The following WNT3A variants were observed in gnomAD, a reference collection of about 807,000 sequenced individuals.
The protein encoded by WNT3A is Wnt family member 3A.
WNT3A carries 17 observed loss-of-function variants against 37.0 expected under a neutral mutation model. The observed-to-expected ratio is 0.46, with a 90% confidence interval of 0.31 to 0.69. The LOEUF (loss-of-function observed/expected upper bound fraction) is 0.69, where lower values mean the gene tolerates loss of function less well. Among genes scored for constraint, WNT3A ranks in the 30% least tolerant of loss-of-function variants. WNT3A has a pLI of 0.05. For synonymous variants in WNT3A, 187 were observed against 211.0 expected (o/e 0.89, Z 0.99); for missense variants, 411 against 510.2 (o/e 0.81, Z 1.87).
intron 1 of WNT3A, among the ~76,000 whole-genome samples, chr1:228,021,171 T>C (rs935409179): frequency 1.3e-5 from 2 of 152,224 alleles, no homozygotes; most frequent in South Asian, 4.1e-4. Context: ...GCTTCCCTGA[T>C]GACAGGCACA....
At chr1:228,027,363 CA>C (rs2030877571) in intron 2 of WNT3A, among the ~76,000 whole-genome samples, 1 of 152,208 alleles carries the variant, frequency 6.6e-6, no homozygotes, top group Non-Finnish European at 1.5e-5. Flanking sequence ...CTGTTTTCCA[CA>C]GTGGTTGAAC....
chr1:228,011,013 A>G (rs1454930151), intron 1 of WNT3A, among the ~76,000 whole-genome samples: 3 of 152,064 alleles, frequency 2.0e-5, no homozygotes, highest in Non-Finnish European at 4.4e-5. Context: ...CTGCTCAGCC[A>G]GTGTCTGCAC....
chr1:228,016,049 T>C (rs1192605727), intron 1 of WNT3A, among the ~76,000 whole-genome samples: 1 of 152,104 alleles, frequency 6.6e-6, no homozygotes, highest in Non-Finnish European at 1.5e-5. Context: ...ATGTTGCCCC[T>C]TTCTGTCCCC....
chr1:228,051,064 G>A (rs940059225), intron 3 of WNT3A, 143 bp downstream of exon 3: 10 of 1,134,662 alleles, frequency 8.8e-6, no homozygotes, highest in South Asian at 8.4e-5. Context: ...TGGGGTGTGC[G>A]AAGCTTAGCA....
At chr1:228,023,858 G>A (rs1370001513) in intron 2 of WNT3A, among the ~76,000 whole-genome samples, 3 of 152,142 alleles carry the variant, frequency 2.0e-5, no homozygotes, top group Non-Finnish European at 4.4e-5. Context: ...GCACCCACCC[G>A]CCTGCCTTCT....
chr1:228,050,649 T>C lies in WNT3A; in HGVS notation c.314-7T>C, dbSNP rs2031524902. 1 of 1,592,122 alleles carries C rather than the reference T, an allele frequency of 6.3e-7. No homozygotes were observed. Among genetic ancestry groups the C allele is most frequent in the Non-Finnish European group, 8.6e-7 (1 of 1,166,518 alleles). On this transcript the variant is annotated splice_polypyrimidine_tract_variant and splice_region_variant and intron_variant, in intron 2 of 3. Coordinates refer to ENST00000284523, the MANE Select transcript of WNT3A (RefSeq NM_033131.4). This position sits in a 1 kb window ranked among gnomAD's most constrained non-coding sequence, Gnocchi z 5.0. ...CTGTTAACCCTGCATCTCTCCTCTCTCTACAGCTACCAGGGAGTCGGCCTT... is the reference window on the plus strand; with the variant it reads ...CTGTTAACCCTGCATCTCTCCTCTCCCTACAGCTACCAGGGAGTCGGCCTT...
chr1:228,023,170 C>T (rs541121707), intron 2 of WNT3A, among the ~76,000 whole-genome samples: 38 of 152,272 alleles, frequency 2.5e-4, no homozygotes, highest in African/African-American at 8.2e-4. Flanking sequence ...TGGCCAGTGG[C>T]GGGGCTGCTC....
At position 228,047,748 on chromosome 1, in the gene WNT3A, G is replaced by A. The variant is rs545081147; in HGVS notation, c.314-2908G>A. 2.0e-5 allele frequency among the ~76,000 whole-genome samples: 3 copies of A among 152,294 alleles called. No homozygotes were observed. In the East Asian group the frequency reaches 5.8e-4, roughly 29 times the overall value. On this transcript the variant is annotated intron_variant, in intron 2 of 3. Coordinates refer to ENST00000284523, the MANE Select transcript of WNT3A (RefSeq NM_033131.4). ...GGCTAGGAAGCTTCCAATCATGGCG[G>A]AAGGCAAAGGGGGAGCAGGCATGTC...
chr1:228,020,412 C>T (rs2030670403), intron 1 of WNT3A, among the ~76,000 whole-genome samples: 1 of 152,242 alleles, frequency 6.6e-6, no homozygotes, highest in East Asian at 1.9e-4. Flanking sequence ...TTCTCCTGTC[C>T]AGAGGCCTCT....
At chr1:228,033,576 G>C (rs1319930066) in intron 2 of WNT3A, among the ~76,000 whole-genome samples, 1 of 152,160 alleles carries the variant, frequency 6.6e-6, no homozygotes, top group Non-Finnish European at 1.5e-5. Context: ...TAGTTTTGTA[G>C]TGTTTTGAAA....
intron 3 of WNT3A, 97 bp from the exon 4 acceptor site, chr1:228,058,889 A>G (rs780089933): frequency 1.8e-5 from 23 of 1,264,208 alleles, no homozygotes; most frequent in Non-Finnish European, 2.3e-5. Flanking sequence ...CGGGGGCTTT[A>G]TGGAGCAGGT....
At chr1:228,054,775 C>A (rs540626165) in intron 3 of WNT3A, among the ~76,000 whole-genome samples, 32 of 144,570 alleles carry the variant, frequency 2.2e-4, no homozygotes, top group African/African-American at 8.1e-4. Flanking sequence ...TTATTAGACA[C>A]AGACTTTGAG....
chr1:228,035,588 C>T (rs532399714), intron 2 of WNT3A, among the ~76,000 whole-genome samples: 3 of 152,316 alleles, frequency 2.0e-5, no homozygotes, highest in South Asian at 4.1e-4. Flanking sequence ...CCGGGCAGGG[C>T]GGGGATGGAT....
At position 228,060,072 on chromosome 1, in the gene WNT3A, G is replaced by A. The variant is rs1431832761; in HGVS notation, c.*607G>A. 3.5e-5 allele frequency: 42 copies of A among 1,210,630 alleles called. No individual in the cohort carries two copies. The highest frequency in any genetic ancestry group is 4.4e-5 in the Non-Finnish European group (42 of 949,704). The allele number at this position is 1,210,630 out of a possible 1,614,324, so 75.0% of individuals were successfully genotyped here. ...ACGGGGGCTGTGGCTCTGGGTGGGC[G>A]TGGCCTGCATAGGCTCCTTCCTGTG... On this transcript the variant is annotated 3_prime_UTR_variant, in exon 4 of 4. Coordinates refer to ENST00000284523, the MANE Select transcript of WNT3A (RefSeq NM_033131.4).
rs555221470 is a variant in WNT3A, at chr1:228,039,746, T to C, written c.314-10910T>C. Among the ~76,000 whole-genome samples the C allele has an allele frequency of 5.3e-5, 8 of 152,184 alleles. No individual in the cohort carries two copies. Among genetic ancestry groups the C allele is most frequent in the African/African-American group, 1.7e-4 (7 of 41,510 alleles). On this transcript the variant is annotated intron_variant, in intron 2 of 3. Coordinates refer to ENST00000284523, the MANE Select transcript of WNT3A (RefSeq NM_033131.4). The surrounding 1 kb of genome is among the most constrained non-coding windows in gnomAD (Gnocchi z 4.1). ...TTCATTGGCCCCCCAGCCATGACCATTGTTGGAAGCCTCCAGTCCTAATTC... is the reference window on the plus strand; with the variant it reads ...TTCATTGGCCCCCCAGCCATGACCACTGTTGGAAGCCTCCAGTCCTAATTC...
intron 3 of WNT3A, 67 bp from the exon 4 acceptor site, chr1:228,058,919 A>G (rs2031736332): frequency 1.4e-6 from 2 of 1,457,696 alleles, no homozygotes; most frequent in African/African-American, 2.8e-5. Context: ...GCGACATGTA[A>G]TGCTGTTTCC....
At chr1:228,022,568 C>G in intron 1 of WNT3A, 99 bp from the exon 2 acceptor site, 1 of 1,422,042 alleles carries the variant, frequency 7.0e-7, no homozygotes, top group East Asian at 2.4e-5. Context: ...CGTCTCGCCC[C>G]CCGAATGCAC....
At chr1:228,024,374 G>T (rs1305833599) in intron 2 of WNT3A, among the ~76,000 whole-genome samples, 1 of 152,252 alleles carries the variant, frequency 6.6e-6, no homozygotes, top group Non-Finnish European at 1.5e-5. Flanking sequence ...AGAGTGTGAA[G>T]TAGAACCTAC....
At chr1:228,046,068 C>G (rs940150405) in intron 2 of WNT3A, among the ~76,000 whole-genome samples, 1 of 152,226 alleles carries the variant, frequency 6.6e-6, no homozygotes, top group African/African-American at 2.4e-5. Flanking sequence ...GGCAGGGGCA[C>G]AGCAGGTCCA....
Sources: allele counts gnomAD v4.1 joint callset (sites outside exome capture counted in the v4.1 genomes callset), GRCh38; gene constraint gnomAD v4.1.1; non-coding constraint Gnocchi (gnomAD v3.1); transcripts MANE v1.5; gene names NCBI Gene and HGNC (gene_info 2026-07-23, HGNC 2026-07-21).